Variants in MARCHF8 observed in about 807,000 individuals in gnomAD.
MARCHF8 encodes E3 ubiquitin-protein ligase MARCHF8.
Under a neutral mutation model 51.6 loss-of-function variants are expected in MARCHF8, and 40 were observed. The ratio of observed to expected loss-of-function variants is 0.77; its 90% CI spans 0.60 to 1.01. The LOEUF (loss-of-function observed/expected upper bound fraction) is 1.01, where lower values mean the gene tolerates loss of function less well. Among genes scored for constraint, MARCHF8 ranks in the 50% least tolerant of loss-of-function variants. MARCHF8 has a pLI of 0.00. For missense variants in MARCHF8, 685 were observed against 708.6 expected (o/e 0.97, Z 0.38); for synonymous variants, 263 against 280.3 (o/e 0.94, Z 0.62).
At chr10:45,510,176 G>A (rs71494802) in intron 2 of MARCHF8, among the ~76,000 whole-genome samples, 8,966 of 151,388 alleles carry the variant, frequency 0.059, 299 homozygotes, top group African/African-American at 0.063. Context: ...GTCAAGACAT[G>A]GAGAGAAGGC....
At chr10:45,564,629 C>T (rs1025943146) in intron 1 of MARCHF8, among the ~76,000 whole-genome samples, 1 of 151,814 alleles carries the variant, frequency 6.6e-6, no homozygotes, top group East Asian at 1.9e-4. Flanking sequence ...CTTATAAATC[C>T]AAAAGACTCA....
At chr10:45,514,106 T>C (rs191126630) in intron 2 of MARCHF8, among the ~76,000 whole-genome samples, 1 of 152,372 alleles carries the variant, frequency 6.6e-6, no homozygotes, top group East Asian at 1.9e-4. Flanking sequence ...TTTAAATGCT[T>C]ACTGGCTTAA....
chr10:45,588,710 C>T (rs1468948754), intron 1 of MARCHF8, among the ~76,000 whole-genome samples: 2 of 151,562 alleles, frequency 1.3e-5, no homozygotes, highest in Non-Finnish European at 2.9e-5. Context: ...TAAAAGAATC[C>T]ATTATAGGCC....
intron 2 of MARCHF8, among the ~76,000 whole-genome samples, chr10:45,510,629 C>T (rs554704607): frequency 6.6e-6 from 1 of 152,240 alleles, no homozygotes; most frequent in South Asian, 2.1e-4. Context: ...TATTTGTCTT[C>T]AGTATAATAA....
intron 2 of MARCHF8, among the ~76,000 whole-genome samples, chr10:45,523,570 G>T (rs2133243662): frequency 6.6e-6 from 1 of 152,272 alleles, no homozygotes; most frequent in South Asian, 2.1e-4. Flanking sequence ...ATATATTTGA[G>T]TGGTTTTCTT....
At chr10:45,464,455 A>AT in intron 3 of MARCHF8, 128 bp from the exon 4 acceptor site, 3 of 735,012 alleles carry the variant, frequency 4.1e-6, no homozygotes, top group Non-Finnish European at 7.3e-6. Flanking sequence ...CGAGTAACAC[A>AT]TATTAGATCC....
chr10:45,548,345 C>T (rs1190936237), intron 1 of MARCHF8, among the ~76,000 whole-genome samples: 5 of 152,162 alleles, frequency 3.3e-5, no homozygotes, highest in African/African-American at 4.8e-5. Context: ...GAGTGAGATG[C>T]TAATGTGGGG....
intron 3 of MARCHF8, among the ~76,000 whole-genome samples, chr10:45,486,804 C>CTTTTTT (rs34757159): frequency 6.3e-5 from 6 of 94,578 alleles, no homozygotes; most frequent in Non-Finnish European, 1.2e-4. Context: ...TATTACCCTA[C>CTTTTTT]TTTTTTTTTT....
At chr10:45,475,886 C>T (rs188325027) in intron 3 of MARCHF8, among the ~76,000 whole-genome samples, 1 of 152,192 alleles carries the variant, frequency 6.6e-6, no homozygotes, top group Non-Finnish European at 1.5e-5. Context: ...AACCTGGTAT[C>T]CCTGTCCCCA....
intron 1 of MARCHF8, among the ~76,000 whole-genome samples, chr10:45,573,748 A>C (rs573310940): frequency 4.0e-4 from 61 of 152,308 alleles, no homozygotes; most frequent in Admixed American, 2.0e-3. Context: ...CTTAAAGTGG[A>C]GGGTAAGTCC....
chr10:45,566,774 G>C (rs1038347058), intron 1 of MARCHF8, among the ~76,000 whole-genome samples: 1 of 151,384 alleles, frequency 6.6e-6, no homozygotes, highest in East Asian at 1.9e-4. Flanking sequence ...TCTTTCTGGC[G>C]GGGGGAGGGG....
intron 1 of MARCHF8, among the ~76,000 whole-genome samples, chr10:45,588,051 A>AT (rs1404673424): frequency 7.2e-5 from 11 of 152,248 alleles, no homozygotes; most frequent in African/African-American, 2.6e-4. Flanking sequence ...GAACCTTAAT[A>AT]GTGGAGCTAT....
rs1401150129 is a variant in MARCHF8, at chr10:45,463,493, C to T, written c.746G>A (p.Gly249Asp). Residue 249 changes from glycine to aspartate, a missense_variant, in exon 5 of 8, where the codon GGT (glycine) becomes GAT (aspartate). Coordinates refer to ENST00000453424, the MANE Select transcript of MARCHF8 (RefSeq NM_001282866.2). ...TTGCCGGCTTCGGGACGTGGCCTCA[C>T]CATCCGCCTTCTCTTCCAGCAGCAG... ...PGLLLEEKAD[G>D]EATSRSRQLL... 6.4e-7 allele frequency: 1 copy of T among 1,550,644 alleles called. No homozygotes were observed. Among genetic ancestry groups the T allele is most frequent in the Non-Finnish European group, 8.7e-7 (1 of 1,147,008 alleles).
chr10:45,564,547 T>A (rs1589181586), intron 1 of MARCHF8, among the ~76,000 whole-genome samples: 1 of 152,182 alleles, frequency 6.6e-6, no homozygotes, highest in East Asian at 1.9e-4. Context: ...GGGAAGAAAG[T>A]GAAACTGGAC....
At chr10:45,504,371 G>C (rs968015083) in intron 2 of MARCHF8, among the ~76,000 whole-genome samples, 1 of 152,256 alleles carries the variant, frequency 6.6e-6, no homozygotes, top group African/African-American at 2.4e-5. Context: ...TTGAACCTGG[G>C]AGGCGGAGGT....
chr10:45,572,589 C>T (rs1482052871), intron 1 of MARCHF8, among the ~76,000 whole-genome samples: 1 of 152,082 alleles, frequency 6.6e-6, no homozygotes, highest in East Asian at 1.9e-4. Context: ...AATAGGCAAA[C>T]GGTCTGAGGT....
intron 1 of MARCHF8, among the ~76,000 whole-genome samples, chr10:45,545,810 T>A (rs1458511700): frequency 6.6e-6 from 1 of 152,160 alleles, no homozygotes; most frequent in African/African-American, 2.4e-5. Flanking sequence ...CTTCTTCCCT[T>A]CACTCAGCCA....
chr10:45,468,725 T>C (rs1421442838), intron 3 of MARCHF8, among the ~76,000 whole-genome samples: 2 of 152,190 alleles, frequency 1.3e-5, no homozygotes, highest in Non-Finnish European at 2.9e-5. Context: ...GATGCACAGA[T>C]GGCTCTCAAA....
chr10:45,461,115 G>T, intron 6 of MARCHF8, 116 bp downstream of exon 6: 1 of 689,580 alleles, frequency 1.5e-6, no homozygotes, highest in Non-Finnish European at 2.2e-6. Context: ...GTAAGCACCA[G>T]CCCCAGCTTT....
Sources: gnomAD v4.1 joint callset for allele counts (sites outside exome capture counted in the v4.1 genomes callset) on GRCh38, gnomAD v4.1.1 for gene constraint, MANE v1.5 for transcripts, NCBI Gene and HGNC (gene_info 2026-07-23, HGNC 2026-07-21) for gene names.